The following PCDH15 variants were observed in gnomAD, a reference collection of about 807,000 sequenced individuals.
PCDH15 encodes protocadherin-15.
PCDH15 carries 129 observed loss-of-function variants against 178.5 expected under a neutral mutation model. The observed-to-expected ratio is 0.72, with a 90% confidence interval of 0.63 to 0.84. PCDH15 has a LOEUF of 0.84. Ranked by LOEUF, PCDH15 falls within the 40% of genes least tolerant of loss-of-function variation. The probability of loss-of-function intolerance (pLI) is 0.00; values close to 1 mark genes in which losing one functional copy is unlikely to be tolerated. For synonymous variants in PCDH15, 800 were observed against 732.0 expected (o/e 1.09, Z -1.50); for missense variants, 2,230 against 2,099.9 (o/e 1.06, Z -1.21).
Position 54,903,241 on chromosome 10 carries a change from C to T in PCDH15, c.-79-5741G>A, listed in dbSNP as rs1208370416. Among the ~76,000 whole-genome samples, 6 of 150,292 alleles carry T rather than the reference C, an allele frequency of 4.0e-5. No homozygotes were observed. The Admixed American group carries it at 4.0e-4, about 10-fold the overall frequency. ...TCGTTTGGATGGGAAGTGGCTACAT[C>T]ACTAAACAATTGAATATATGGCTTT... On this transcript the variant is annotated intron_variant, in intron 2 of 5. Coordinates refer to the PCDH15 transcript ENST00000458638.
At chr10:54,170,602 C>T (rs1379784013) in intron 13 of PCDH15, among the ~76,000 whole-genome samples, 1 of 151,384 alleles carries the variant, frequency 6.6e-6, no homozygotes, top group East Asian at 1.9e-4. Flanking sequence ...TTGACCCAGA[C>T]TTCAATCCGG....
chr10:54,804,078 C>T (rs1293232007), upstream of PCDH15, among the ~76,000 whole-genome samples: 2 of 151,004 alleles, frequency 1.3e-5, no homozygotes, highest in African/African-American at 2.4e-5. Flanking sequence ...CTTGCTCTTT[C>T]GCCCAGGCGG....
chr10:55,627,787 A>G (rs1163547551), intron 1 of PCDH15: 1 of 152,260 alleles, frequency 6.6e-6, no homozygotes, highest in Non-Finnish European at 1.5e-5. Context: ...AGGGTCAGAG[A>G]CACACAAGGA....
Position 54,377,442 on chromosome 10 carries a change from A to C in PCDH15, c.318+1340T>G, listed in dbSNP as rs80234738. On this transcript the variant is annotated intron_variant, in intron 4 of 37. Transcript: ENST00000644397. ...GAATAAAAGCCCTTATGCTTTGATGAATGAACCCCTAAAAGCACTGTGGCA... is the reference window on the plus strand; with the variant it reads ...GAATAAAAGCCCTTATGCTTTGATGCATGAACCCCTAAAAGCACTGTGGCA... 6.1e-3 allele frequency among the ~76,000 whole-genome samples: 929 copies of C among 152,270 alleles called. 13 individuals are homozygous for C. The highest frequency in any genetic ancestry group is 0.021 in the African/African-American group (865 of 41,574).
At chr10:54,088,355 C>T (rs1055816844) in intron 16 of PCDH15, among the ~76,000 whole-genome samples, 1 of 152,032 alleles carries the variant, frequency 6.6e-6, no homozygotes, top group Non-Finnish European at 1.5e-5. Context: ...TTCACATATC[C>T]TTTTTTAAAG....
chr10:54,175,713 A>C (rs1187206807), intron 13 of PCDH15, among the ~76,000 whole-genome samples: 4 of 152,208 alleles, frequency 2.6e-5, no homozygotes, highest in Admixed American at 6.5e-5. Context: ...TATTGTCTTT[A>C]AATTGGATTC....
chr10:55,486,439 G>A (rs1207939192), intron 2 of PCDH15, among the ~76,000 whole-genome samples: 1 of 148,730 alleles, frequency 6.7e-6, no homozygotes, highest in African/African-American at 2.5e-5. Context: ...TAGCCATAGA[G>A]AAAATATAAT....
In PCDH15 at chr10:53,822,831, TTTGCCTCTTCAGTTGTAAGC is replaced by T. The variant is rs772393186; in HGVS notation, c.4368-2621_4368-2602del. 9.3e-6 allele frequency: 15 copies of T among 1,614,156 alleles called. No individual in the cohort carries two copies. The Admixed American group carries it at 1.2e-4, about 13-fold the overall frequency. On this transcript the variant is annotated intron_variant, in intron 32 of 37. Transcript: ENST00000644397. Reference sequence around the variant, plus strand: ...CCTTATTTCCTCTTTCTCTGTCAAATTTGCCTCTTCAGTTGTAAGCAATGGATTGCTGCTACCTCTTTTGT... The same window carrying T: ...CCTTATTTCCTCTTTCTCTGTCAAATAATGGATTGCTGCTACCTCTTTTGT...
intron 21 of PCDH15, among the ~76,000 whole-genome samples, chr10:53,966,372 T>TC (rs2089021040): frequency 6.6e-6 from 1 of 152,094 alleles, no homozygotes; most frequent in Non-Finnish European, 1.5e-5. Context: ...AAAGTTTTTT[T>TC]CTCTCTCTGT....
chr10:54,115,198 G>A (rs2095092595), intron 15 of PCDH15, among the ~76,000 whole-genome samples: 1 of 152,056 alleles, frequency 6.6e-6, no homozygotes, highest in South Asian at 2.1e-4. Context: ...GTGACAAGGG[G>A]GCCTGTGGAT....
intron 2 of PCDH15, among the ~76,000 whole-genome samples, chr10:55,140,779 T>C (rs982023967): frequency 1.3e-5 from 2 of 151,944 alleles, no homozygotes; most frequent in Admixed American, 6.6e-5. Flanking sequence ...TCTTTTAGAG[T>C]TATTGGGCTA....
intron 2 of PCDH15, among the ~76,000 whole-genome samples, chr10:54,565,534 G>A (rs531608829): frequency 3.2e-4 from 49 of 152,168 alleles, no homozygotes; most frequent in African/African-American, 9.9e-4. Flanking sequence ...GGCTGCCTAG[G>A]GTATTTCTGA....
chr10:54,801,495 G>GA (rs1952646822), upstream of PCDH15, among the ~76,000 whole-genome samples: 1 of 152,166 alleles, frequency 6.6e-6, no homozygotes, highest in Admixed American at 6.6e-5. Context: ...CAGCCTGTCT[G>GA]ATGATTCTCT....
intron 1 of PCDH15, among the ~76,000 whole-genome samples, chr10:55,317,522 T>C (rs1370621594): frequency 1.3e-5 from 2 of 151,936 alleles, no homozygotes; most frequent in Admixed American, 6.6e-5. Context: ...ATCAATAGGG[T>C]TATAGTCTAT....
intron 2 of PCDH15, among the ~76,000 whole-genome samples, chr10:55,579,036 G>C (rs1047800160): frequency 6.6e-6 from 1 of 152,112 alleles, no homozygotes; most frequent in Non-Finnish European, 1.5e-5. Context: ...CTTGATGTTA[G>C]TTCTCCATTT....
chr10:53,840,556 T>A, intron 28 of PCDH15, 60 bp from the exon 29 acceptor site: 1 of 1,458,288 alleles, frequency 6.9e-7, no homozygotes, highest in Non-Finnish European at 9.6e-7. Context: ...AGTAAAAAAT[T>A]ACTCTTAACT....
At chr10:55,135,774 G>T (rs563513861) in intron 2 of PCDH15, among the ~76,000 whole-genome samples, 2 of 151,528 alleles carry the variant, frequency 1.3e-5, no homozygotes, top group South Asian at 2.1e-4. Context: ...AGTAGAAATG[G>T]GGTCTCACCA....
At chr10:54,421,870 C>CACAG (rs1554963695) in intron 3 of PCDH15, among the ~76,000 whole-genome samples, 5 of 64,630 alleles carry the variant, frequency 7.7e-5, no homozygotes, top group Non-Finnish European at 1.5e-4. Context: ...TATACACACA[C>CACAG]TATATATATA....
Position 54,376,507 on chromosome 10 carries a change from T to A in PCDH15, c.318+2275A>T, listed in dbSNP as rs375025456. 2.6e-4 allele frequency among the ~76,000 whole-genome samples: 39 copies of A among 151,194 alleles called. No individual in the cohort carries two copies. In the East Asian group the frequency reaches 6.8e-3, roughly 26 times the overall value. On this transcript the variant is annotated intron_variant, in intron 4 of 37. Transcript: ENST00000644397. ...CTGGAGAGCATATTTTCAAATACAA[T>A]CTATATAAAAAGTGTGCACTCACTT...
Sources: allele counts gnomAD v4.1 joint callset (sites outside exome capture counted in the v4.1 genomes callset), GRCh38; gene constraint gnomAD v4.1.1; transcripts MANE v1.5; gene names NCBI Gene and HGNC (gene_info 2026-07-23, HGNC 2026-07-21).